Variants in GALNTL6 observed in about 807,000 individuals in gnomAD.
The protein encoded by GALNTL6 is polypeptide N-acetylgalactosaminyltransferase-like 6.
Under a neutral mutation model 73.7 loss-of-function variants are expected in GALNTL6, and 46 were observed. That is an observed-to-expected ratio of 0.62 (90% CI 0.49 to 0.80). GALNTL6 has a LOEUF of 0.80. Among genes scored for constraint, GALNTL6 ranks in the 30% least tolerant of loss-of-function variants. GALNTL6 has a pLI of 0.00. For missense variants in GALNTL6, 604 were observed against 755.0 expected, an observed-to-expected ratio of 0.80 and a Z score of 2.34; for synonymous variants, 259 against 263.7, an observed-to-expected ratio of 0.98 and a Z score of 0.17.
In GALNTL6 at chr4:172,095,853, A is replaced by G. The variant is rs191039605; in HGVS notation, c.139-133803A>G. Among the ~76,000 whole-genome samples, 523 of 152,092 alleles carry G rather than the reference A, an allele frequency of 3.4e-3. 7 individuals are homozygous for G. The highest frequency in any genetic ancestry group is 0.028 in the Admixed American group (424 of 15,290). On this transcript the variant is annotated intron_variant, in intron 2 of 12. Coordinates refer to ENST00000506823, the MANE Select transcript of GALNTL6 (RefSeq NM_001034845.3). ...CCCCACCTAGAATTATTTTTTACTT[A>G]TCCTAAGTATTCTAAAATTTATATT...
At chr4:172,767,757 C>A (rs550704685) in intron 5 of GALNTL6, among the ~76,000 whole-genome samples, 2 of 150,602 alleles carry the variant, frequency 1.3e-5, no homozygotes, top group Non-Finnish European at 3.0e-5. Context: ...GCAACTTCCA[C>A]CTCCCAGGTT....
At chr4:172,071,869 A>T (rs907680091) in intron 2 of GALNTL6, among the ~76,000 whole-genome samples, 7 of 152,202 alleles carry the variant, frequency 4.6e-5, no homozygotes, top group Non-Finnish European at 7.3e-5. Flanking sequence ...GAAGTAGGGT[A>T]TGCTATGTGA....
chr4:172,768,728 G>A lies in GALNTL6; in HGVS notation c.554-40633G>A, dbSNP rs76466591. ...GACTTGTATGTTACTGAGGTCTTAG[G>A]AGAAACCTAGGTCAAATCCAGTGCC... On this transcript the variant is annotated intron_variant, in intron 5 of 12. Coordinates refer to ENST00000506823, the MANE Select transcript of GALNTL6 (RefSeq NM_001034845.3). 2.6e-5 allele frequency among the ~76,000 whole-genome samples: 4 copies of A among 152,300 alleles called. No homozygotes were observed. The East Asian group carries it at 5.8e-4, about 22-fold the overall frequency.
At position 172,165,574 on chromosome 4, in the gene GALNTL6, A is replaced by G. The variant is rs186672816; in HGVS notation, c.139-64082A>G. 5.9e-5 allele frequency among the ~76,000 whole-genome samples: 9 copies of G among 152,294 alleles called. No homozygotes were observed. The East Asian group carries it at 9.6e-4, about 16-fold the overall frequency. On this transcript the variant is annotated intron_variant, in intron 2 of 12. Coordinates refer to ENST00000506823, the MANE Select transcript of GALNTL6 (RefSeq NM_001034845.3). Reference sequence around the variant, plus strand: ...ATATTTCCTTTACAAACATAATTTAAGTATAGAATGGTAGCACTGTTTTAC... The same window carrying G: ...ATATTTCCTTTACAAACATAATTTAGGTATAGAATGGTAGCACTGTTTTAC...
intron 5 of GALNTL6, among the ~76,000 whole-genome samples, chr4:172,721,979 C>T (rs1043685166): frequency 3.3e-5 from 4 of 120,768 alleles, no homozygotes; most frequent in Admixed American, 1.0e-4. Flanking sequence ...ATGGAGGTGG[C>T]GGAAGGCTTT....
rs190618314 is a variant in GALNTL6 at position 172,158,387 on chromosome 4, C to T, written c.139-71269C>T. On this transcript the variant is annotated intron_variant, in intron 2 of 12. Coordinates refer to ENST00000506823, the MANE Select transcript of GALNTL6 (RefSeq NM_001034845.3). ...CTACTTTCCCGCAGTACATAATTTT[C>T]CCCTGGTTACTCAGATTTTATTCTC... Among the ~76,000 whole-genome samples, 11 of 152,014 alleles carry T rather than the reference C, an allele frequency of 7.2e-5. No individual in the cohort carries two copies. In the East Asian group the frequency reaches 2.1e-3, roughly 29 times the overall value.
At chr4:172,584,929 G>T (rs1214809613) in intron 5 of GALNTL6, among the ~76,000 whole-genome samples, 1 of 152,172 alleles carries the variant, frequency 6.6e-6, no homozygotes, top group East Asian at 1.9e-4. Flanking sequence ...ACATGTAATG[G>T]TTAGATAAGA....
At chr4:172,868,076 T>A (rs1043762354) in intron 7 of GALNTL6, among the ~76,000 whole-genome samples, 32 of 152,206 alleles carry the variant, frequency 2.1e-4, no homozygotes, top group African/African-American at 7.7e-4. Context: ...TATCAGAACA[T>A]AGCAGTGAAT....
intron 5 of GALNTL6, among the ~76,000 whole-genome samples, chr4:172,583,501 G>T (rs1257923515): frequency 6.6e-6 from 1 of 152,138 alleles, no homozygotes; most frequent in African/African-American, 2.4e-5. Flanking sequence ...AATATCTAAA[G>T]TTACAGAGCT....
At chr4:172,354,509 T>C (rs1400271107) in intron 5 of GALNTL6, among the ~76,000 whole-genome samples, 1 of 152,066 alleles carries the variant, frequency 6.6e-6, no homozygotes, top group Non-Finnish European at 1.5e-5. Context: ...TTTGTGAATG[T>C]AAGGGAATCT....
chr4:172,845,990 C>T (rs560831742), intron 7 of GALNTL6, among the ~76,000 whole-genome samples: 5 of 152,238 alleles, frequency 3.3e-5, no homozygotes, highest in South Asian at 4.2e-4. Flanking sequence ...ACACAAATAA[C>T]GTTTATAACA....
intron 2 of GALNTL6, among the ~76,000 whole-genome samples, chr4:172,189,094 T>C (rs1388942646): frequency 1.3e-5 from 2 of 151,812 alleles, no homozygotes; most frequent in South Asian, 4.1e-4. Flanking sequence ...CATTTAAAAA[T>C]ACTTCATAAT....
At chr4:172,451,726 C>A (rs1732219726) in intron 5 of GALNTL6, among the ~76,000 whole-genome samples, 1 of 152,118 alleles carries the variant, frequency 6.6e-6, no homozygotes, top group South Asian at 2.1e-4. Context: ...TGTAAGTGGG[C>A]CAGGTGCAGT....
At chr4:172,488,083 A>G (rs12108601) in intron 5 of GALNTL6, among the ~76,000 whole-genome samples, 7,593 of 152,266 alleles carry the variant, frequency 0.05, 585 homozygotes, top group African/African-American at 0.17. Flanking sequence ...ACTTAAGACT[A>G]CTGGAGAGTC....
intron 5 of GALNTL6, among the ~76,000 whole-genome samples, chr4:172,745,271 G>A (rs1240542729): frequency 6.6e-6 from 1 of 151,760 alleles, no homozygotes; most frequent in African/African-American, 2.4e-5. Flanking sequence ...TGAAAAGCAG[G>A]TTCAAGTTTT....
At chr4:172,669,097 G>C (rs149398372) in intron 5 of GALNTL6, 1 of 152,124 alleles carries the variant, frequency 6.6e-6, no homozygotes, top group Admixed American at 6.5e-5. Flanking sequence ...TCCATCATTT[G>C]GGGTGTTGGA....
intron 3 of GALNTL6, among the ~76,000 whole-genome samples, chr4:172,303,777 A>C (rs970244692): frequency 2.6e-5 from 4 of 152,118 alleles, no homozygotes; most frequent in Non-Finnish European, 1.5e-5. Flanking sequence ...AAGCTTGTTT[A>C]TCTTACATAT....
chr4:172,417,854 A>G (rs901921972), intron 5 of GALNTL6, among the ~76,000 whole-genome samples: 2 of 152,144 alleles, frequency 1.3e-5, no homozygotes, highest in Non-Finnish European at 2.9e-5. Flanking sequence ...AACCACACCT[A>G]TGCATTTGAT....
At chr4:172,598,866 A>G (rs1167854102) in intron 5 of GALNTL6, among the ~76,000 whole-genome samples, 1 of 152,132 alleles carries the variant, frequency 6.6e-6, no homozygotes, top group Non-Finnish European at 1.5e-5. Context: ...TATATCATCA[A>G]TATTTCAAAT....
Sources: allele counts gnomAD v4.1 joint callset (sites outside exome capture counted in the v4.1 genomes callset), GRCh38; gene constraint gnomAD v4.1.1; transcripts MANE v1.5; gene names NCBI Gene and HGNC (gene_info 2026-07-23, HGNC 2026-07-21).